ZNF692: variants seen among roughly 807,000 people sequenced by gnomAD.
The protein encoded by ZNF692 is zinc finger protein 692, also known as AICAR responsive element binding protein.
ZNF692 carries 41 observed loss-of-function variants against 49.0 expected under a neutral mutation model. The ratio of observed to expected loss-of-function variants is 0.84; its 90% CI spans 0.65 to 1.08. ZNF692 has a LOEUF of 1.08. ZNF692 is among the 50% of genes least tolerant of loss of function. The pLI, the probability that ZNF692 is intolerant of heterozygous loss-of-function variation, is 0.00. For synonymous variants in ZNF692, 288 were observed against 251.5 expected (o/e 1.15, Z -1.37); for missense variants, 662 against 662.2 (o/e 1.00, Z 0.00).
chr1:248,850,954 G>C, intron 10 of ZNF692, 173 bp from the exon 11 acceptor site: 1 of 715,332 alleles, frequency 1.4e-6, no homozygotes, highest in East Asian at 2.7e-5. Flanking sequence ...TTACCTGATG[G>C]GTCATGACAA....
chr1:248,855,887 C>T lies in ZNF692; in HGVS notation c.719G>A (p.Gly240Glu). ...PSPVTCTPKE[G>E]ETPPAPAALS... Reference sequence around the variant, plus strand: ...TGCTGCAGGGGCTGGTGGTGTCTCCCCCTCTTTAGGTGTGCAGGTGACAGG... The same window carrying T: ...TGCTGCAGGGGCTGGTGGTGTCTCCTCCTCTTTAGGTGTGCAGGTGACAGG... Residue 240 changes from glycine (G) to glutamate (E), a missense_variant, in exon 7 of 12, where the codon GGG becomes GAG. Coordinates refer to ENST00000306601, the MANE Select transcript of ZNF692 (RefSeq NM_017865.4). The T allele has an allele frequency of 1.2e-6, 2 of 1,614,136 alleles. No individual in the cohort carries two copies. Among genetic ancestry groups the T allele is most frequent in the Non-Finnish European group, 1.7e-6 (2 of 1,180,032 alleles).
chr1:248,856,648 A>G, intron 4 of ZNF692, 86 bp from the exon 5 acceptor site: 1 of 1,523,540 alleles, frequency 6.6e-7, no homozygotes, highest in East Asian at 2.3e-5. Flanking sequence ...AAGTGATGGG[A>G]GACTCCTCTT....
intron 9 of ZNF692, 34 bp from the exon 10 acceptor site, chr1:248,854,085 G>A (rs986710386): frequency 1.3e-6 from 2 of 1,543,732 alleles, no homozygotes; most frequent in Non-Finnish European, 1.8e-6. Context: ...GGAGAGAAGA[G>A]GCAAAAGGAT....
intron 9 of ZNF692, 157 bp from the exon 10 acceptor site, chr1:248,854,208 T>C (rs1379777964): frequency 3.6e-5 from 22 of 611,592 alleles, no homozygotes; most frequent in Non-Finnish European, 5.6e-5. Context: ...CTCGTTTCCT[T>C]GAGGCTCAGT....
Position 248,856,302 on chromosome 1 carries a change from G to A in ZNF692, c.645C>T (p.Ser215=), listed in dbSNP as rs1381199013. ...CCCCAACTTGCTCATCTGGGGAGGA[G>A]CTGTAGGTCCATAAGCTGGCATCAC... The part of the protein sequence containing the change: ...MLSDASLWTY[S]SSPDDSEPDA... The change falls in exon 6 of 12, where the codon AGC becomes AGT. Residue 215 remains serine (S), a synonymous_variant. Transcript: ENST00000306601. 6.3e-7 allele frequency: 1 copy of A among 1,594,112 alleles called. No homozygotes were observed. Among genetic ancestry groups the A allele is most frequent in the South Asian group, 1.1e-5 (1 of 86,966 alleles).
chr1:248,852,300 G>A (rs144818262), intron 10 of ZNF692, among the ~76,000 whole-genome samples: 3 of 152,152 alleles, frequency 2.0e-5, no homozygotes, highest in Admixed American at 6.5e-5. Context: ...TTCTAAAGTC[G>A]CCAAGAAACT....
At chr1:248,856,155 C>A in intron 6 of ZNF692, 133 bp downstream of exon 6, 2 of 1,442,152 alleles carry the variant, frequency 1.4e-6, no homozygotes, top group Non-Finnish European at 1.9e-6. Context: ...GCCTCTAGTT[C>A]TTTTTGCCTT....
chr1:248,853,962 C>G lies in ZNF692; in HGVS notation c.1128G>C (p.Leu376=). Residue 376 remains leucine (L), a synonymous_variant, in exon 10 of 12, where the codon CTG becomes CTC. Coordinates refer to ENST00000306601, the MANE Select transcript of ZNF692 (RefSeq NM_017865.4). ...CGKSFNFKKH[L]KEHMKLHSDT... ...CACTGTGCAGCTTCATGTGCTCCTT[C>G]AGGTGTTTCTTAAAGTTGAAAGACT... is the stretch of plus-strand genomic sequence containing the variant. The G allele has an allele frequency of 6.2e-7, 1 of 1,614,134 alleles. No homozygotes were observed. The highest frequency in any genetic ancestry group is 8.5e-7 in the Non-Finnish European group (1 of 1,179,974).
intron 6 of ZNF692, 97 bp from the exon 7 acceptor site, chr1:248,856,043 T>C (rs1483214266): frequency 7.3e-7 from 1 of 1,364,290 alleles, no homozygotes; most frequent in Non-Finnish European, 1.0e-6. Context: ...ATCTCAAACT[T>C]GAAACAACCC....
At chr1:248,851,005 T>C (rs1280704676) in intron 10 of ZNF692, 1 of 675,692 alleles carries the variant, frequency 1.5e-6, no homozygotes, top group Non-Finnish European at 2.7e-6. Context: ...TTCATTATTG[T>C]CCACCCCAGC....
At chr1:248,854,122 G>T (rs111488830) in intron 9 of ZNF692, 71 bp from the exon 10 acceptor site, 3 of 1,173,996 alleles carry the variant, frequency 2.6e-6, no homozygotes, top group Admixed American at 1.8e-5. Context: ...GAGATGAACT[G>T]AGCTGACCCG....
intron 9 of ZNF692, 28 bp from the exon 10 acceptor site, chr1:248,854,079 A>T (rs760203091): frequency 6.4e-7 from 1 of 1,572,146 alleles, no homozygotes; most frequent in Non-Finnish European, 8.8e-7. Flanking sequence ...TGGTAGGGAG[A>T]GAAGAGGCAA....
chr1:248,853,099 C>T (rs929138956), intron 10 of ZNF692, among the ~76,000 whole-genome samples: 3 of 152,198 alleles, frequency 2.0e-5, no homozygotes, highest in African/African-American at 7.2e-5. Context: ...AGTTACCCAA[C>T]TCCTCCCTTC....
intron 2 of ZNF692, 131 bp downstream of exon 2, chr1:248,858,000 C>T: frequency 6.5e-7 from 1 of 1,547,120 alleles, no homozygotes; most frequent in Non-Finnish European, 8.7e-7. Flanking sequence ...TCGGAGGCCA[C>T]AAGTCACACA....
chr1:248,855,620 G>C lies in ZNF692; in HGVS notation c.897C>G (p.Ala299=). 4 of 1,614,174 alleles carry C rather than the reference G, an allele frequency of 2.5e-6. No homozygotes were observed. The highest frequency in any genetic ancestry group is 3.4e-6 in the Non-Finnish European group (4 of 1,180,032). Residue 299 remains alanine, a synonymous_variant, in exon 8 of 12, where the codon GCC becomes GCG. Transcript: ENST00000306601. ...TEALASTGSQ[A]QSAPTPAWDE... is the part of the protein sequence containing the mutation. The stretch of plus-strand genomic sequence containing the variant: ...CCCAGGCCGGGGTTGGAGCAGACTG[G>C]GCCTGACTCCCAGTGCTACGGGCAG...
Position 248,855,911 on chromosome 1 carries a change from G to A in ZNF692, c.695C>T (p.Pro232Leu), listed in dbSNP as rs145545056. 4.3e-5 allele frequency: 69 copies of A among 1,614,026 alleles called. 1 individual carries two copies. In the African/African-American group the frequency reaches 7.6e-4, roughly 18 times the overall value. The change falls in exon 7 of 12, where the codon CCT becomes CTT. Residue 232 changes from proline (P) to leucine (L), a missense_variant. Transcript: ENST00000306601. Reference sequence around the variant, plus strand: ...CCCCTCTTTAGGTGTGCAGGTGACAGGGGAAGGCAGTAGTCTGGGGGCATC... The same window carrying A: ...CCCCTCTTTAGGTGTGCAGGTGACAAGGGAAGGCAGTAGTCTGGGGGCATC... Reference protein sequence around the residue: ...EPDAPRLLPSPVTCTPKEGET... With the variant: ...EPDAPRLLPSLVTCTPKEGET...
rs773791007 is a variant in ZNF692 at position 248,850,323 on chromosome 1, T to C, written c.1447A>G (p.Ser483Gly). Reference protein sequence around the residue: ...ALLLAPQESPSGPLEPCPSIS... With the variant: ...ALLLAPQESPGGPLEPCPSIS... ...CTGGGACAGGGCTCTAGGGGACCAC[T>C]GGGTGACTCTTGAGGGGCTAGAAGC... The change falls in exon 12 of 12, where the codon AGT (serine) becomes GGT (glycine). Residue 483 changes from serine (S) to glycine (G), a missense_variant. Coordinates refer to ENST00000306601, the MANE Select transcript of ZNF692 (RefSeq NM_017865.4). 6.2e-6 allele frequency: 10 copies of C among 1,613,800 alleles called. No homozygotes were observed. Among genetic ancestry groups the C allele is most frequent in the Middle Eastern group, 1.6e-4 (1 of 6,074 alleles).
Position 248,856,540 on chromosome 1 carries a change from CTCA to C in ZNF692, c.495_497del (p.Asp165del). The C allele has an allele frequency of 6.2e-7, 1 of 1,614,176 alleles. No homozygotes were observed. The highest frequency in any genetic ancestry group is 8.5e-7 in the Non-Finnish European group (1 of 1,180,042). On this transcript the variant is annotated inframe_deletion, in exon 5 of 12. Transcript: ENST00000306601. ...TGGGCAACCTGGCCTCTTGAGTCCT[CTCA>C]TCATGCTCAGATTCCAAATCTGTGG...
At chr1:248,853,873 G>C (rs1659907038) in intron 10 of ZNF692, 64 bp downstream of exon 10, 1 of 1,322,058 alleles carries the variant, frequency 7.6e-7, no homozygotes, top group African/African-American at 1.4e-5. Flanking sequence ...CAGAGCCCAG[G>C]GTGACGGGAC....
Sources: gnomAD v4.1 joint callset for allele counts (sites outside exome capture counted in the v4.1 genomes callset) on GRCh38, gnomAD v4.1.1 for gene constraint, MANE v1.5 for transcripts, NCBI Gene and HGNC (gene_info 2026-07-23, HGNC 2026-07-21) for gene names.